The following SLC12A9 variants were observed in gnomAD, a reference collection of about 807,000 sequenced individuals.
SLC12A9 encodes the protein solute carrier family 12 member 9.
Under a neutral mutation model 66.0 loss-of-function variants are expected in SLC12A9, and 55 were observed. That is an observed-to-expected ratio of 0.83 (90% CI 0.67 to 1.04). The LOEUF is 1.04. SLC12A9 is among the 50% of genes least tolerant of loss of function. The pLI, the probability that SLC12A9 is intolerant of heterozygous loss-of-function variation, is 0.00. For missense variants in SLC12A9, 1,061 were observed against 1,241.9 expected, an observed-to-expected ratio of 0.85 and a Z score of 2.19; for synonymous variants, 577 against 569.0, an observed-to-expected ratio of 1.01 and a Z score of -0.20.
chr7:100,861,773 G>T lies in SLC12A9; in HGVS notation c.1573G>T (p.Asp525Tyr), dbSNP rs758673776. 2 of 1,614,032 alleles carry T rather than the reference G, an allele frequency of 1.2e-6. No homozygotes were observed. The highest frequency in any genetic ancestry group is 1.7e-6 in the Non-Finnish European group (2 of 1,180,020). ...KYLLRLDVRK[D>Y]HVKFWRPQLL... ...TCTGCTTCGGCTGGACGTCCGGAAG[G>T]ATCACGTGAAGTTCTGGCGGCCCCA... is the stretch of plus-strand genomic sequence containing the variant. The change falls in exon 12 of 14, where the codon GAT becomes TAT. Residue 525 changes from aspartate (D) to tyrosine (Y), a missense_variant. Asp to Tyr is a radical substitution (Grantham distance 160). Coordinates refer to ENST00000354161, the MANE Select transcript of SLC12A9 (RefSeq NM_020246.4). This position sits in a 1 kb window ranked among gnomAD's most constrained non-coding sequence, Gnocchi z 5.3.
At position 100,861,645 on chromosome 7, in the gene SLC12A9, T is replaced by G. The variant is rs1562994650; in HGVS notation, c.1536+61T>G. ...GGTGGTCAAAGAACCCCCTCTCTCT[T>G]TGGCTGGAGTTGGTGCTCCCGTCCA... On this transcript the variant is annotated intron_variant, in intron 11 of 13. Coordinates refer to ENST00000354161, the MANE Select transcript of SLC12A9 (RefSeq NM_020246.4). The surrounding 1 kb of genome is among the most constrained non-coding windows in gnomAD (Gnocchi z 5.3). 3 of 1,516,220 alleles carry G rather than the reference T, an allele frequency of 2.0e-6. No individual in the cohort carries two copies. Among genetic ancestry groups the G allele is most frequent in the Non-Finnish European group, 2.7e-6 (3 of 1,128,354 alleles). The allele number at this position is 1,516,220 out of a possible 1,614,324, so 93.9% of individuals were successfully genotyped here.
At chr7:100,852,013 C>A (rs1814100831), upstream of SLC12A9, among the ~76,000 whole-genome samples, 1 of 152,170 alleles carries the variant, frequency 6.6e-6, no homozygotes, top group African/African-American at 2.4e-5. Context: ...GCCCATTTTA[C>A]ATATGAGGAC....
chr7:100,853,193 T>A (rs878945854), intron 1 of SLC12A9: 1 of 151,732 alleles, frequency 6.6e-6, no homozygotes. Context: ...GGTGATTGCA[T>A]TGGGGGGCTT....
At chr7:100,859,781 C>T (rs1034961607) in intron 7 of SLC12A9, 104 bp from the exon 8 acceptor site, 2 of 1,368,570 alleles carry the variant, frequency 1.5e-6, no homozygotes, top group Non-Finnish European at 1.0e-6. Context: ...AGGCATATCC[C>T]TTTAGCACAT....
At chr7:100,830,674 T>C (rs1195226603) in intron 1 of SLC12A9, among the ~76,000 whole-genome samples, 1 of 151,940 alleles carries the variant, frequency 6.6e-6, no homozygotes, top group Non-Finnish European at 1.5e-5. Context: ...AGTGATCACA[T>C]TGCTAGTTTT....
rs761063621 is a variant in SLC12A9 at position 100,866,032 on chromosome 7, G to C, written c.2172G>C (p.Val724=). 3.7e-6 allele frequency: 6 copies of C among 1,612,808 alleles called. No individual in the cohort carries two copies. The highest frequency in any genetic ancestry group is 5.1e-6 in the Non-Finnish European group (6 of 1,179,868). The change falls in exon 14 of 14, where the codon GTG becomes GTC. Residue 724 remains valine, a synonymous_variant. Coordinates refer to ENST00000354161, the MANE Select transcript of SLC12A9 (RefSeq NM_020246.4). This position sits in a 1 kb window ranked among gnomAD's most constrained non-coding sequence, Gnocchi z 7.3. ...GSGGTSQLHH[V]DVWPLNLLRP... is the part of the protein sequence containing the mutation. The stretch of plus-strand genomic sequence containing the variant: ...GGGGCACCTCTCAGCTGCACCATGT[G>C]GACGTGTGGCCCCTCAACCTGCTGC...
chr7:100,855,738 G>T lies in SLC12A9; in HGVS notation c.349G>T (p.Gly117Trp), dbSNP rs750055983. The change falls in exon 4 of 14, where the codon GGG becomes TGG. Residue 117 changes from glycine to tryptophan, a missense_variant. Physicochemically the swap from Gly to Trp is radical, Grantham distance 184. Transcript: ENST00000354161. ...CAGCCGCACACTGGGGCCCGAGGTC[G>T]GGGGCAGCATTGGGCTCATGTTCTA... ...MISRTLGPEV[G>W]GSIGLMFYLA... 6.2e-7 allele frequency: 1 copy of T among 1,614,068 alleles called. No homozygotes were observed. The highest frequency in any genetic ancestry group is 8.5e-7 in the Non-Finnish European group (1 of 1,179,966).
chr7:100,835,377 C>T (rs1390229279), intron 1 of SLC12A9, among the ~76,000 whole-genome samples: 1 of 142,974 alleles, frequency 7.0e-6, no homozygotes, highest in Admixed American at 7.0e-5. Context: ...AAATGCCGGG[C>T]GCGGTCGCTC....
At position 100,861,746 on chromosome 7, in the gene SLC12A9, T is replaced by G; in HGVS notation, c.1546T>G (p.Tyr516Asp). 1 of 1,614,132 alleles carries G rather than the reference T, an allele frequency of 6.2e-7. No individual in the cohort carries two copies. Among genetic ancestry groups the G allele is most frequent in the Non-Finnish European group, 8.5e-7 (1 of 1,180,014 alleles). ...QALLFHQVRK[Y>D]LLRLDVRKDH... ...TCACCCCTATACCCAGGTGCGTAAGTATCTGCTTCGGCTGGACGTCCGGAA... is the reference window on the plus strand; with the variant it reads ...TCACCCCTATACCCAGGTGCGTAAGGATCTGCTTCGGCTGGACGTCCGGAA... Residue 516 changes from tyrosine (Y) to aspartate (D), a missense_variant, in exon 12 of 14, where the codon TAT (tyrosine) becomes GAT (aspartate). Physicochemically the swap from Tyr to Asp is radical, Grantham distance 160. Transcript: ENST00000354161. This position sits in a 1 kb window ranked among gnomAD's most constrained non-coding sequence, Gnocchi z 5.3.
chr7:100,858,986 A>G, intron 6 of SLC12A9, 44 bp downstream of exon 6: 1 of 1,612,202 alleles, frequency 6.2e-7, no homozygotes, highest in Non-Finnish European at 8.5e-7. Flanking sequence ...TGGGGCTGCC[A>G]CCGTGAGGGA....
chr7:100,831,049 C>A (rs1013503697), intron 1 of SLC12A9, among the ~76,000 whole-genome samples: 1 of 152,208 alleles, frequency 6.6e-6, no homozygotes, highest in African/African-American at 2.4e-5. Flanking sequence ...TTTGCTGTTC[C>A]CTACCCAAAA....
rs149889575 is a variant in SLC12A9 at position 100,829,738 on chromosome 7, A to G, written n.228+2691A>G. On this transcript the variant is annotated intron_variant and non_coding_transcript_variant, in intron 1 of 1. Coordinates refer to the SLC12A9 transcript ENST00000461016. ...CCAGATCCTGTAGCCTCTAAAAGTTATGTCTTCTGGCTGGGGACAGTAGCT... is the reference window on the plus strand; with the variant it reads ...CCAGATCCTGTAGCCTCTAAAAGTTGTGTCTTCTGGCTGGGGACAGTAGCT... 5.3e-4 allele frequency among the ~76,000 whole-genome samples: 80 copies of G among 152,196 alleles called. No individual in the cohort carries two copies. In the Middle Eastern group the frequency reaches 0.017, roughly 32 times the overall value.
chr7:100,862,950 G>C lies in SLC12A9; in HGVS notation c.1858+123G>C. Reference sequence around the variant, plus strand: ...CAAAAGGACCTTATAGTCGAGAGGAGATAAGACAGTGCTCAAAGATAATAG... The same window carrying C: ...CAAAAGGACCTTATAGTCGAGAGGACATAAGACAGTGCTCAAAGATAATAG... On this transcript the variant is annotated intron_variant, in intron 13 of 13. Coordinates refer to ENST00000354161, the MANE Select transcript of SLC12A9 (RefSeq NM_020246.4). 1.2e-5 allele frequency: 14 copies of C among 1,178,494 alleles called. No homozygotes were observed. In the South Asian group the frequency reaches 1.8e-4, roughly 15 times the overall value. The allele number at this position is 1,178,494 out of a possible 1,614,324, so 73.0% of individuals were successfully genotyped here.
intron 5 of SLC12A9, 85 bp from the exon 6 acceptor site, chr7:100,858,750 G>A (rs1184364127): frequency 9.3e-6 from 12 of 1,294,026 alleles, no homozygotes; most frequent in Non-Finnish European, 1.2e-5. Context: ...AGAGGACCGT[G>A]GGAATGTGTG....
At chr7:100,864,623 G>A (rs553028405) in intron 13 of SLC12A9, among the ~76,000 whole-genome samples, 327 of 152,286 alleles carry the variant, frequency 2.1e-3, no homozygotes, top group African/African-American at 7.7e-3. Context: ...TGGTTGCCAC[G>A]TGCCCAGCTC....
intron 1 of SLC12A9, among the ~76,000 whole-genome samples, chr7:100,840,583 A>G (rs1368239177): frequency 7.2e-5 from 11 of 152,188 alleles, no homozygotes; most frequent in Non-Finnish European, 1.5e-5. Flanking sequence ...AAAGAGAGAA[A>G]GGAAAGAGAC....
At chr7:100,859,726 G>T in intron 7 of SLC12A9, 159 bp from the exon 8 acceptor site, 1 of 871,868 alleles carries the variant, frequency 1.1e-6, no homozygotes, top group Non-Finnish European at 1.7e-6. Context: ...AAAAAGGAAG[G>T]AATGACCACT....
chr7:100,866,165 T>C lies in SLC12A9; in HGVS notation c.2305T>C (p.Phe769Leu). ...PAWHSARLRI[F>L]LCLGPREAPG... is the part of the protein sequence containing the mutation. Reference sequence around the variant, plus strand: ...TTGGCATAGCGCCCGGCTCCGGATCTTCCTGTGCCTGGGGCCTCGGGAGGC... The same window carrying C: ...TTGGCATAGCGCCCGGCTCCGGATCCTCCTGTGCCTGGGGCCTCGGGAGGC... Residue 769 changes from phenylalanine to leucine, a missense_variant, in exon 14 of 14, where the codon TTC becomes CTC. Transcript: ENST00000354161. The surrounding 1 kb of genome is among the most constrained non-coding windows in gnomAD (Gnocchi z 7.3). The C allele has an allele frequency of 6.2e-7, 1 of 1,612,646 alleles. No homozygotes were observed. The highest frequency in any genetic ancestry group is 8.5e-7 in the Non-Finnish European group (1 of 1,179,728).
chr7:100,849,064 T>A (rs978155523), upstream of SLC12A9, among the ~76,000 whole-genome samples: 2 of 151,364 alleles, frequency 1.3e-5, no homozygotes, highest in African/African-American at 4.8e-5. Context: ...GTAGCTGGAA[T>A]TACAGGCGTG....
Sources: gnomAD v4.1 joint callset for allele counts (sites outside exome capture counted in the v4.1 genomes callset) on GRCh38, gnomAD v4.1.1 for gene constraint, Gnocchi (gnomAD v3.1) non-coding constraint, MANE v1.5 for transcripts, NCBI Gene and HGNC (gene_info 2026-07-23, HGNC 2026-07-21) for gene names.